UGT2A1: variants seen among roughly 807,000 people sequenced by gnomAD.
The protein encoded by UGT2A1 is UDP glucuronosyltransferase family 2 member A1 complex locus.
In UGT2A1, 61 loss-of-function variants were observed where a neutral mutation model predicts 45.4. That is an observed-to-expected ratio of 1.34 (90% CI 1.09 to 1.66). The LOEUF is 1.66. Ranked by LOEUF, UGT2A1 falls within the 40% of genes most tolerant of loss-of-function variation. The probability of loss-of-function intolerance (pLI) is 0.00; values close to 1 mark genes in which losing one functional copy is unlikely to be tolerated. For synonymous variants in UGT2A1, 229 were observed against 196.2 expected (o/e 1.17, Z -1.40); for missense variants, 649 against 574.3 (o/e 1.13, Z -1.33).
chr4:69,620,672 C>T (rs1720699237), intron 3 of UGT2A1, among the ~76,000 whole-genome samples: 1 of 147,688 alleles, frequency 6.8e-6, no homozygotes, highest in Non-Finnish European at 1.5e-5. Flanking sequence ...AAAAAAGAGC[C>T]ACAAAAGCCA....
At chr4:69,612,245 T>C (rs1720107468) in intron 3 of UGT2A1, among the ~76,000 whole-genome samples, 1 of 151,962 alleles carries the variant, frequency 6.6e-6, no homozygotes. Context: ...AAATAGAATA[T>C]AAAATTATTC....
chr4:69,603,376 A>G lies in UGT2A1; in HGVS notation c.848-3982T>C. On this transcript the variant is annotated intron_variant, in intron 3 of 6. Transcript: ENST00000286604. ...GCATGCAGGAAAAAATGTTTTCAAT[A>G]AATAGTGATGGGACAGCTCCTTACC... Among the ~76,000 whole-genome samples the G allele has an allele frequency of 1.5e-5, 2 of 137,412 alleles. 1 individual carries two copies. The allele number at this position is 137,412 out of a possible 152,430, so 90.1% of individuals were successfully genotyped here.
chr4:69,638,797 C>A, intron 2 of UGT2A1: 6 of 1,377,040 alleles, frequency 4.4e-6, no homozygotes, highest in Non-Finnish European at 5.8e-6. Flanking sequence ...AGTCCATTAT[C>A]TTCAGCTCAG....
Position 69,607,005 on chromosome 4 carries a change from A to G in UGT2A1, c.848-7611T>C, listed in dbSNP as rs1307622752. ...ATGGCCATACTGCCCAAGGTCATTT[A>G]TAGATTCAATGCCATCCCCATCAAA... is the stretch of plus-strand genomic sequence containing the variant. On this transcript the variant is annotated intron_variant, in intron 3 of 6. Coordinates refer to ENST00000286604, the MANE Select transcript of UGT2A1 (RefSeq NM_001252275.3). Among the ~76,000 whole-genome samples the G allele has an allele frequency of 1.1e-4, 15 of 136,546 alleles. 3 individuals carry two copies. Among genetic ancestry groups the G allele is most frequent in the Admixed American group, 1.0e-3 (14 of 13,904 alleles). The allele number at this position is 136,546 out of a possible 152,430, so 89.6% of individuals were successfully genotyped here.
intron 3 of UGT2A1, among the ~76,000 whole-genome samples, chr4:69,606,792 A>G (rs1185532493): frequency 1.5e-5 from 2 of 136,872 alleles, no homozygotes; most frequent in Non-Finnish European, 3.1e-5. Flanking sequence ...ACAAACAGAG[A>G]GCCAAATCAC....
At chr4:69,623,235 A>G (rs988649917) in intron 3 of UGT2A1, among the ~76,000 whole-genome samples, 6 of 151,828 alleles carry the variant, frequency 4.0e-5, no homozygotes, top group Non-Finnish European at 8.8e-5. Flanking sequence ...CTGCATGCCA[A>G]GTGATACCAC....
intron 6 of UGT2A1, among the ~76,000 whole-genome samples, chr4:69,592,174 T>C (rs982751597): frequency 2.0e-5 from 3 of 152,136 alleles, no homozygotes; most frequent in Non-Finnish European, 4.4e-5. Flanking sequence ...GAAAAAGCAC[T>C]AAATTCCATC....
intron 1 of UGT2A1, among the ~76,000 whole-genome samples, chr4:69,652,950 T>TA (rs1380143820): frequency 6.6e-6 from 1 of 152,208 alleles, no homozygotes; most frequent in East Asian, 1.9e-4. Flanking sequence ...ACTCTCAACT[T>TA]ACTGCTCTGT....
intron 3 of UGT2A1, among the ~76,000 whole-genome samples, chr4:69,632,519 A>G (rs1721442274): frequency 6.6e-6 from 1 of 152,178 alleles, no homozygotes; most frequent in Non-Finnish European, 1.5e-5. Context: ...ATGACCAACT[A>G]AAAACAGGAG....
At chr4:69,649,536 A>G (rs1463412160) in intron 1 of UGT2A1, among the ~76,000 whole-genome samples, 1 of 152,108 alleles carries the variant, frequency 6.6e-6, no homozygotes, top group Non-Finnish European at 1.5e-5. Flanking sequence ...GGAGAAAGCA[A>G]GAAACCAGTT....
chr4:69,641,552 G>T (rs1423584563), intron 2 of UGT2A1, among the ~76,000 whole-genome samples: 1 of 151,740 alleles, frequency 6.6e-6, no homozygotes, highest in African/African-American at 2.4e-5. Flanking sequence ...ACTGTTTTGG[G>T]GATGAGTGAT....
rs146497938 is a variant in UGT2A1 at position 69,652,794 on chromosome 4, T to A, written c.-55+394A>T. Among the ~76,000 whole-genome samples, 436 of 152,304 alleles carry A rather than the reference T, an allele frequency of 2.9e-3. 3 individuals carry two copies. The highest frequency in any genetic ancestry group is 1.0e-2 in the African/African-American group (414 of 41,550). On this transcript the variant is annotated intron_variant, in intron 1 of 6. Transcript: ENST00000286604. ...CACAGTGGTCACTTGTGTACATTAT[T>A]CTTGTCTTCACCATATATCAGTATA...
intron 3 of UGT2A1, among the ~76,000 whole-genome samples, chr4:69,607,088 C>CA (rs1174884731): frequency 7.3e-6 from 1 of 137,640 alleles, no homozygotes; most frequent in Non-Finnish European, 1.6e-5. Flanking sequence ...CATATGGAAC[C>CA]AAAAAAGAGC....
chr4:69,612,164 G>A (rs1270002365), intron 3 of UGT2A1, among the ~76,000 whole-genome samples: 2 of 151,842 alleles, frequency 1.3e-5, no homozygotes, highest in African/African-American at 4.8e-5. Context: ...AAGACTTCAT[G>A]TATGAAAATC....
At chr4:69,618,152 A>ATATTATTC (rs1245812982) in intron 3 of UGT2A1, among the ~76,000 whole-genome samples, 53 of 151,570 alleles carry the variant, frequency 3.5e-4, no homozygotes, top group African/African-American at 1.3e-3. Context: ...ATTCTATGAG[A>ATATTATTC]AAATATTATT....
At chr4:69,615,469 ACC>A (rs765404956) in intron 3 of UGT2A1, among the ~76,000 whole-genome samples, 47 of 152,146 alleles carry the variant, frequency 3.1e-4, no homozygotes, top group Admixed American at 5.9e-4. Context: ...TTTTCCATGT[ACC>A]CATCTGACAA....
At chr4:69,636,394 G>A (rs1169444145) in intron 2 of UGT2A1, among the ~76,000 whole-genome samples, 2 of 152,090 alleles carry the variant, frequency 1.3e-5, no homozygotes, top group Non-Finnish European at 2.9e-5. Flanking sequence ...GTTCTTCACA[G>A]TATACCTTAA....
intron 3 of UGT2A1, among the ~76,000 whole-genome samples, chr4:69,616,854 T>G (rs1163289057): frequency 1.5e-5 from 2 of 133,796 alleles, no homozygotes; most frequent in African/African-American, 5.5e-5. Flanking sequence ...TTTTTTTGAA[T>G]AGTGGTTTCT....
chr4:69,594,286 C>T (rs1297228742), intron 6 of UGT2A1, among the ~76,000 whole-genome samples, 191 bp downstream of exon 6: 1 of 151,908 alleles, frequency 6.6e-6, no homozygotes, highest in Admixed American at 6.6e-5. Flanking sequence ...TATTTGAAGT[C>T]TTAGGATTTT....
Sources: allele counts gnomAD v4.1 joint callset (sites outside exome capture counted in the v4.1 genomes callset), GRCh38; gene constraint gnomAD v4.1.1; transcripts MANE v1.5; gene names NCBI Gene and HGNC (gene_info 2026-07-23, HGNC 2026-07-21).